Variants in SOX6 observed in about 807,000 individuals in gnomAD.
SOX6 encodes SRY-box transcription factor 6.
A neutral mutation model predicts 97.8 loss-of-function variants in SOX6; 11 were observed. That is an observed-to-expected ratio of 0.11 (90% CI 0.07 to 0.19). The LOEUF (loss-of-function observed/expected upper bound fraction) is 0.19, where lower values mean the gene tolerates loss of function less well. SOX6 is among the 10% of genes least tolerant of loss of function. SOX6 has a pLI of 1.00. For missense variants in SOX6, 810 were observed against 1,039.5 expected, an observed-to-expected ratio of 0.78 and a Z score of 3.04; for synonymous variants, 360 against 371.4, an observed-to-expected ratio of 0.97 and a Z score of 0.35.
At chr11:16,344,953 A>G (rs1387619548) in intron 1 of SOX6, among the ~76,000 whole-genome samples, 1 of 151,996 alleles carries the variant, frequency 6.6e-6, no homozygotes, top group African/African-American at 2.4e-5. Flanking sequence ...CTATTATTCT[A>G]AACTATCCTC....
At chr11:16,651,561 C>A (rs1847653930) in intron 3 of SOX6, among the ~76,000 whole-genome samples, 1 of 152,096 alleles carries the variant, frequency 6.6e-6, no homozygotes, top group South Asian at 2.1e-4. Context: ...AAGCATTTGA[C>A]AAAATCCAGC....
intron 4 of SOX6, among the ~76,000 whole-genome samples, chr11:16,485,949 AGGGGAGGGGAGGGGAGG>A (rs1860423201): frequency 7.3e-4 from 1 of 1,364 alleles, no homozygotes; most frequent in Admixed American, 7.6e-3. Context: ...AGAGGAGGGG[AGGGGAGGGGAGGGGAGG>A]GGAGGGGAGG....
Position 15,973,107 on chromosome 11 carries a change from T to C in SOX6, c.2189A>G (p.Gln730Arg). The C allele has an allele frequency of 6.2e-7, 1 of 1,614,036 alleles. No individual in the cohort carries two copies. The highest frequency in any genetic ancestry group is 8.5e-7 in the Non-Finnish European group (1 of 1,180,022). ...EMRQFFTVGQ[Q>R]PQIPITTGTG... ...TCCTGTGGTGATTGGAATCTGAGGCTGTTGCCTATATAGATTCAAGAAACA... is the reference window on the plus strand; with the variant it reads ...TCCTGTGGTGATTGGAATCTGAGGCCGTTGCCTATATAGATTCAAGAAACA... The change falls in exon 16 of 16, where the codon CAG becomes CGG. Residue 730 changes from glutamine (Q) to arginine (R), a missense_variant. This residue lies in a region of SOX6 where 122 missense variants were observed against 153.4 expected (regional missense o/e 0.80). Transcript: ENST00000683767.
At chr11:16,184,709 T>C (rs1353107827) in intron 5 of SOX6, among the ~76,000 whole-genome samples, 2 of 152,176 alleles carry the variant, frequency 1.3e-5, no homozygotes, top group Non-Finnish European at 2.9e-5. Flanking sequence ...CTGATGACTG[T>C]CTCTGGCCCT....
At chr11:16,188,791 C>T (rs976161107) in intron 4 of SOX6, among the ~76,000 whole-genome samples, 3 of 152,050 alleles carry the variant, frequency 2.0e-5, no homozygotes, top group South Asian at 2.1e-4. Flanking sequence ...AGGCTGGGCA[C>T]GGTGGCTCAT....
rs141023933 is a variant in SOX6 at position 16,738,255 on chromosome 11, G to A, written n.219+170C>T. On this transcript the variant is annotated intron_variant and non_coding_transcript_variant, in intron 1 of 5. Transcript: ENST00000524520. ...GAAGCCATTTTTGGTTAAGGTTTTT[G>A]TCCTGGGTGGAGGGTATTCGTGAGG... is the stretch of plus-strand genomic sequence containing the variant. 5.9e-3 allele frequency: 919 copies of A among 154,466 alleles called. 2 individuals carry two copies. The highest frequency in any genetic ancestry group is 9.7e-3 in the Non-Finnish European group (673 of 69,212). 9.6% of individuals were successfully genotyped at this position (154,466 alleles called of 1,614,324 possible).
At chr11:16,081,950 TG>T (rs1416159121) in intron 9 of SOX6, among the ~76,000 whole-genome samples, 1 of 152,174 alleles carries the variant, frequency 6.6e-6, no homozygotes, top group Non-Finnish European at 1.5e-5. Context: ...GGTGCGACTG[TG>T]GAGTCATCGT....
At chr11:15,981,334 G>T (rs1219130785) in intron 15 of SOX6, among the ~76,000 whole-genome samples, 1 of 152,036 alleles carries the variant, frequency 6.6e-6, no homozygotes, top group African/African-American at 2.4e-5. Context: ...TAAGTAAAGA[G>T]TAAAAGCTGG....
chr11:16,624,456 A>G (rs892515367), intron 3 of SOX6, among the ~76,000 whole-genome samples: 3 of 152,144 alleles, frequency 2.0e-5, no homozygotes, highest in Admixed American at 6.5e-5. Context: ...GATTACAGGC[A>G]TGAGCCACCG....
intron 3 of SOX6, among the ~76,000 whole-genome samples, chr11:16,296,789 T>C (rs1376115938): frequency 1.3e-5 from 2 of 152,132 alleles, no homozygotes; most frequent in Non-Finnish European, 2.9e-5. Flanking sequence ...AGGTACTCAT[T>C]CTTCTCTTAA....
chr11:16,663,442 C>A (rs1393892707), intron 3 of SOX6, among the ~76,000 whole-genome samples: 1 of 152,074 alleles, frequency 6.6e-6, no homozygotes, highest in Non-Finnish European at 1.5e-5. Context: ...CCTGCTTCAG[C>A]CCCCCAAGTG....
intron 3 of SOX6, among the ~76,000 whole-genome samples, chr11:16,666,152 A>C (rs1230940689): frequency 3.9e-5 from 6 of 152,120 alleles, no homozygotes; most frequent in Non-Finnish European, 2.9e-5. Context: ...CCAGATACCA[A>C]CAAACATCCA....
intron 1 of SOX6, among the ~76,000 whole-genome samples, chr11:16,442,839 A>T (rs1859531366): frequency 6.6e-6 from 1 of 152,204 alleles, no homozygotes; most frequent in Admixed American, 6.5e-5. Flanking sequence ...GTGTCAGGAG[A>T]TTATAATAAA....
At chr11:16,007,881 T>C (rs1854605133) in intron 13 of SOX6, among the ~76,000 whole-genome samples, 1 of 152,144 alleles carries the variant, frequency 6.6e-6, no homozygotes, top group Non-Finnish European at 1.5e-5. Context: ...CGGGAACATA[T>C]GCTAGCTATC....
intron 1 of SOX6, among the ~76,000 whole-genome samples, chr11:16,420,697 T>A (rs1256162475): frequency 1.3e-5 from 2 of 152,192 alleles, no homozygotes; most frequent in African/African-American, 4.8e-5. Flanking sequence ...GGTGAAAACT[T>A]AATTTTTGTA....
At chr11:16,276,849 GC>G (rs2134237259) in intron 3 of SOX6, among the ~76,000 whole-genome samples, 1 of 152,246 alleles carries the variant, frequency 6.6e-6, no homozygotes, top group African/African-American at 2.4e-5. Flanking sequence ...CCTAATTAAT[GC>G]CAGTTTTAGC....
At chr11:16,056,042 A>G in intron 9 of SOX6, 141 bp from the exon 10 acceptor site, 3 of 977,576 alleles carry the variant, frequency 3.1e-6, no homozygotes, top group South Asian at 1.5e-5. Flanking sequence ...GGAAGCTAAG[A>G]GAAGGCAAAT....
At chr11:15,979,164 G>A (rs1160956413) in intron 15 of SOX6, among the ~76,000 whole-genome samples, 2 of 150,028 alleles carry the variant, frequency 1.3e-5, no homozygotes, top group Non-Finnish European at 3.0e-5. Flanking sequence ...CCCCTCTCAT[G>A]GCCATCCTGT....
At chr11:16,028,405 T>C (rs1249660262) in intron 12 of SOX6, among the ~76,000 whole-genome samples, 3 of 152,202 alleles carry the variant, frequency 2.0e-5, no homozygotes, top group African/African-American at 4.8e-5. Context: ...TTTCCTTTTT[T>C]CTATGAATAT....
Sources: allele counts gnomAD v4.1 joint callset (sites outside exome capture counted in the v4.1 genomes callset), GRCh38; gene constraint gnomAD v4.1.1; regional missense constraint gnomAD v4.1.1; transcripts MANE v1.5; gene names NCBI Gene and HGNC (gene_info 2026-07-23, HGNC 2026-07-21).